PATJ: variants seen among roughly 807,000 people sequenced by gnomAD.
PATJ encodes the protein inaD-like protein.
In PATJ, 190 loss-of-function variants were observed where a neutral mutation model predicts 224.9. That is an observed-to-expected ratio of 0.84 (90% CI 0.75 to 0.95). PATJ has a LOEUF of 0.95. PATJ is among the 40% of genes least tolerant of loss of function. The pLI is 0.00. For synonymous variants in PATJ, 769 were observed against 820.3 expected (o/e 0.94, Z 1.07); for missense variants, 2,121 against 2,270.3 (o/e 0.93, Z 1.34).
At chr1:62,022,262 A>G (rs905429688) in intron 29 of PATJ, among the ~76,000 whole-genome samples, 4 of 152,334 alleles carry the variant, frequency 2.6e-5, no homozygotes, top group African/African-American at 9.6e-5. Context: ...ATAATTGGCA[A>G]GGGGTCTGTG....
At position 61,801,696 on chromosome 1, in the gene PATJ, T is replaced by C. The variant is rs545726114; in HGVS notation, c.1476T>C (p.Asp492=). Reference sequence around the variant, plus strand: ...CAGTGGAAACTGAAACTAATGTGGATGGTGAAGATGAGGAAATTAAAGAAA... The same window carrying C: ...CAGTGGAAACTGAAACTAATGTGGACGGTGAAGATGAGGAAATTAAAGAAA... ...TGAVETETNV[D]GEDEEIKERI... is the part of the protein sequence containing the mutation. The change falls in exon 12 of 44, where the codon GAT becomes GAC. Residue 492 remains aspartate, a synonymous_variant. Transcript: ENST00000642238. 8 of 1,599,778 alleles carry C rather than the reference T, an allele frequency of 5.0e-6. No homozygotes were observed. The South Asian group carries it at 8.9e-5, about 18-fold the overall frequency.
At chr1:61,777,724 T>TTTTTTTTTTC (rs765662896) in intron 7 of PATJ, among the ~76,000 whole-genome samples, 13 of 106,042 alleles carry the variant, frequency 1.2e-4, no homozygotes, top group East Asian at 6.9e-4. Context: ...TTTTTTTTTT[T>TTTTTTTTTTC]TTTAGCATAG....
chr1:62,002,244 G>C (rs1422311578), intron 28 of PATJ, among the ~76,000 whole-genome samples: 1 of 152,110 alleles, frequency 6.6e-6, no homozygotes, highest in African/African-American at 2.4e-5. Flanking sequence ...GAGTTTGTGA[G>C]TCTCAACGTC....
intron 31 of PATJ, among the ~76,000 whole-genome samples, chr1:62,058,831 A>G (rs1654961347): frequency 6.6e-6 from 1 of 152,192 alleles, no homozygotes; most frequent in African/African-American, 2.4e-5. Context: ...AGTGTGCCAC[A>G]CTTGGTCTAA....
intron 41 of PATJ, among the ~76,000 whole-genome samples, chr1:62,137,587 G>A (rs2989010): frequency 4.9e-4 from 37 of 74,754 alleles, no homozygotes; most frequent in South Asian, 7.9e-4. Context: ...AGGCCTGAGG[G>A]GGAAATGCCT....
chr1:62,088,006 C>A, intron 33 of PATJ, among the ~76,000 whole-genome samples: 1 of 112,746 alleles, frequency 8.9e-6, no homozygotes, highest in Non-Finnish European at 2.1e-5. Context: ...ATTCTCCTGC[C>A]TCAGCCTCCT....
At chr1:62,106,585 C>A (rs919821255) in intron 33 of PATJ, among the ~76,000 whole-genome samples, 3 of 152,012 alleles carry the variant, frequency 2.0e-5, no homozygotes, top group African/African-American at 7.2e-5. Flanking sequence ...ATATTCATTT[C>A]TTTACTTCAT....
rs370890473 is a variant in PATJ at position 61,908,480 on chromosome 1, C to T, written c.3490C>T (p.Arg1164Ter). 7 of 1,600,988 alleles carry T rather than the reference C, an allele frequency of 4.4e-6. No individual in the cohort carries two copies. The highest frequency in any genetic ancestry group is 2.2e-5 in the East Asian group (1 of 44,774). Residue 1164 changes from arginine to a stop codon, truncating the protein, a stop_gained and splice_region_variant, in exon 25 of 44, where the codon CGA becomes TGA. Transcript: ENST00000642238. LOFTEE classifies it high-confidence loss of function. ...FIVQSLSSTP[R>*]VIPNVHNKAN... ...TGTTCAGAGTTTGTCATCCACTCCACGAGTAAGTTTTAGTTCATATTTTCA... is the reference window on the plus strand; with the variant it reads ...TGTTCAGAGTTTGTCATCCACTCCATGAGTAAGTTTTAGTTCATATTTTCA...
intron 17 of PATJ, among the ~76,000 whole-genome samples, chr1:61,834,719 C>T (rs1659890145): frequency 6.6e-6 from 1 of 152,222 alleles, no homozygotes; most frequent in Non-Finnish European, 1.5e-5. Flanking sequence ...ATAGTTTGAG[C>T]ATTGTATAAG....
chr1:62,010,078 CAAAAAAAAAA>C (rs34658070), intron 28 of PATJ, among the ~76,000 whole-genome samples: 2 of 84,280 alleles, frequency 2.4e-5, no homozygotes, highest in East Asian at 4.4e-4. Flanking sequence ...GACTCCATCT[CAAAAAAAAAA>C]AAAAAAAAGA....
intron 33 of PATJ, among the ~76,000 whole-genome samples, chr1:62,095,215 G>T (rs915742251): frequency 6.6e-6 from 1 of 152,138 alleles, no homozygotes; most frequent in African/African-American, 2.4e-5. Context: ...TTGTAAAATT[G>T]TTAAAATAAG....
chr1:62,049,243 T>TCA (rs60099928), intron 30 of PATJ, among the ~76,000 whole-genome samples: 10,608 of 137,136 alleles, frequency 0.077, 508 homozygotes, highest in African/African-American at 0.15. Flanking sequence ...AAGTAAGCAA[T>TCA]CACACACACA....
intron 16 of PATJ, among the ~76,000 whole-genome samples, chr1:61,830,384 C>T (rs1199576659): frequency 6.6e-6 from 1 of 152,126 alleles, no homozygotes; most frequent in African/African-American, 2.4e-5. Context: ...AAAAACATTC[C>T]ATGCTCATGG....
intron 17 of PATJ, among the ~76,000 whole-genome samples, chr1:61,845,708 A>G (rs1013274890): frequency 4.9e-4 from 74 of 152,310 alleles, no homozygotes; most frequent in Admixed American, 2.3e-3. Flanking sequence ...TCAAGGATTA[A>G]AAAGAGCAAA....
At chr1:61,906,100 A>C (rs1348047196) in intron 24 of PATJ, among the ~76,000 whole-genome samples, 1 of 152,120 alleles carries the variant, frequency 6.6e-6, no homozygotes, top group African/African-American at 2.4e-5. Context: ...AATTTTGTTA[A>C]TTTACTAGGG....
chr1:62,025,052 C>A (rs932048425), intron 29 of PATJ, among the ~76,000 whole-genome samples: 2 of 152,134 alleles, frequency 1.3e-5, no homozygotes, highest in African/African-American at 4.8e-5. Flanking sequence ...AGTAAATTTT[C>A]TTTTGCTTAA....
intron 22 of PATJ, among the ~76,000 whole-genome samples, chr1:61,896,832 C>T (rs1670438381): frequency 6.6e-6 from 1 of 152,154 alleles, no homozygotes; most frequent in African/African-American, 2.4e-5. Context: ...CCTGCTGCCA[C>T]ATACACCTTC....
At chr1:61,871,475 A>ATATATATGCG in intron 20 of PATJ, among the ~76,000 whole-genome samples, 1 of 74,384 alleles carries the variant, frequency 1.3e-5, no homozygotes, top group Non-Finnish European at 3.1e-5. Context: ...ATGTATATAC[A>ATATATATGCG]TATATATGTG....
chr1:62,109,863 C>T (rs1663581370), intron 34 of PATJ, among the ~76,000 whole-genome samples: 1 of 152,156 alleles, frequency 6.6e-6, no homozygotes, highest in South Asian at 2.1e-4. Flanking sequence ...TCAAATTGTA[C>T]ACTTTAAGTT....
Sources: allele counts gnomAD v4.1 joint callset (sites outside exome capture counted in the v4.1 genomes callset), GRCh38; gene constraint gnomAD v4.1.1; transcripts MANE v1.5; gene names NCBI Gene and HGNC (gene_info 2026-07-23, HGNC 2026-07-21).